Variants in ARHGEF10 observed in about 807,000 individuals in gnomAD.
The protein encoded by ARHGEF10 is Rho guanine nucleotide exchange factor (GEF) 10.
A neutral mutation model predicts 147.4 loss-of-function variants in ARHGEF10; 140 were observed. That is an observed-to-expected ratio of 0.95 (90% CI 0.83 to 1.09). ARHGEF10 has a LOEUF of 1.09. Among genes scored for constraint, ARHGEF10 ranks in the 50% least tolerant of loss-of-function variants. The pLI, the probability that ARHGEF10 is intolerant of heterozygous loss-of-function variation, is 0.00. For missense variants in ARHGEF10, 2,222 were observed against 1,752.7 expected, an observed-to-expected ratio of 1.27 and a Z score of -4.78; for synonymous variants, 902 against 695.8, an observed-to-expected ratio of 1.30 and a Z score of -4.67.
At chr8:1,945,383 C>T in intron 26 of ARHGEF10, 98 bp from the exon 27 acceptor site, 1 of 1,414,312 alleles carries the variant, frequency 7.1e-7, no homozygotes, top group Non-Finnish European at 9.7e-7. Flanking sequence ...TGTGTTGCAG[C>T]CACTGAATGG....
rs144663694 is a variant in ARHGEF10, at chr8:1,876,680, G to T, written c.789G>T (p.Ser263=). Residue 263 remains serine, a synonymous_variant, in exon 8 of 29, where the codon TCG becomes TCT. Transcript: ENST00000349830. The part of the protein sequence containing the change: ...EFESYEEQSD[S]ECKNGIPRSF... ...AAAGTTACGAAGAGCAGAGTGACTC[G>T]GAGTGCAAGAATGGGATTCCCAGGT... The T allele has an allele frequency of 6.2e-7, 1 of 1,614,214 alleles. No individual in the cohort carries two copies. The highest frequency in any genetic ancestry group is 1.7e-5 in the Admixed American group (1 of 60,022).
chr8:1,895,775 T>C (rs1809921116), intron 13 of ARHGEF10, among the ~76,000 whole-genome samples: 1 of 152,224 alleles, frequency 6.6e-6, no homozygotes, highest in Admixed American at 6.5e-5. Context: ...GAGTGATTTT[T>C]CTCTCTTTGA....
intron 6 of ARHGEF10, 53 bp downstream of exon 6, chr8:1,866,655 C>A: frequency 6.5e-7 from 1 of 1,545,828 alleles, no homozygotes; most frequent in Non-Finnish European, 8.8e-7. Flanking sequence ...CCACAGACGT[C>A]ACTGCGGCGG....
chr8:1,830,029 C>G (rs530053996), intron 1 of ARHGEF10, among the ~76,000 whole-genome samples: 2 of 152,314 alleles, frequency 1.3e-5, no homozygotes, highest in South Asian at 4.1e-4. Context: ...CCGAAGTGCT[C>G]TCTGCCAGCC....
chr8:1,886,052 G>A, intron 11 of ARHGEF10, among the ~76,000 whole-genome samples: 1 of 152,188 alleles, frequency 6.6e-6, no homozygotes, highest in South Asian at 2.1e-4. Context: ...GAGACAGAGT[G>A]TGGGTTTGTA....
rs372070314 is a variant in ARHGEF10, at chr8:1,860,004, CAGG to C, written c.306_308del (p.Glu102del). Reference sequence around the variant, plus strand: ...TTCTGTCATCGACATCACGCCATTCCAGGAGGACCAGCCGCCCACCCCCGTGCC... The same window carrying C: ...TTCTGTCATCGACATCACGCCATTCCAGGACCAGCCGCCCACCCCCGTGCC... On this transcript the variant is annotated inframe_deletion, in exon 4 of 29. Transcript: ENST00000349830. The C allele has an allele frequency of 4.0e-5, 64 of 1,614,024 alleles. No homozygotes were observed. In the African/African-American group the frequency reaches 7.9e-4, roughly 20 times the overall value.
intron 1 of ARHGEF10, among the ~76,000 whole-genome samples, 188 bp downstream of exon 1, chr8:1,824,301 C>T (rs1585181720): frequency 6.6e-6 from 1 of 151,854 alleles, no homozygotes; most frequent in African/African-American, 2.4e-5. Context: ...CCCCCTTCCG[C>T]GGCGCCCCCG....
chr8:1,861,552 C>G (rs1250797178), intron 4 of ARHGEF10, among the ~76,000 whole-genome samples: 1 of 152,202 alleles, frequency 6.6e-6, no homozygotes, highest in African/African-American at 2.4e-5. Context: ...AAGCCCACAG[C>G]CTCTACGCCT....
rs113854897 is a variant in ARHGEF10 at position 1,887,907 on chromosome 8, G to C, written c.1182+2200G>C. ...TGCCGTGAGAGTTGCAAGGAAACAC[G>C]GAGTGGGGTGCGGGTCATCAGGAGA... is the stretch of plus-strand genomic sequence containing the variant. On this transcript the variant is annotated intron_variant, in intron 11 of 28. Transcript: ENST00000349830. 4.0e-5 allele frequency among the ~76,000 whole-genome samples: 6 copies of C among 150,262 alleles called. 1 individual carries two copies. The highest frequency in any genetic ancestry group is 1.2e-4 in the African/African-American group (5 of 40,744).
In ARHGEF10 at chr8:1,860,178, G is replaced by A. The variant is rs769840503; in HGVS notation, c.475G>A (p.Glu159Lys). The A allele has an allele frequency of 5.6e-6, 9 of 1,612,756 alleles. No individual in the cohort carries two copies. Among genetic ancestry groups the A allele is most frequent in the East Asian group, 2.2e-5 (1 of 44,870 alleles). ...CATCATCTGCGCCACGTCCCTGGACGAAGAAGGTACTGCTACCCTCCTCTC... is the reference window on the plus strand; with the variant it reads ...CATCATCTGCGCCACGTCCCTGGACAAAGAAGGTACTGCTACCCTCCTCTC... ...PVIICATSLD[E>K]EETPEVTEDR... The change falls in exon 4 of 29, where the codon GAA (glutamate) becomes AAA (lysine). Residue 159 changes from glutamate to lysine, a missense_variant. By Grantham distance (56) the Glu-to-Lys change is moderately conservative. Coordinates refer to ENST00000349830, the MANE Select transcript of ARHGEF10 (RefSeq NM_014629.4).
At chr8:1,867,006 G>A (rs1042074271) in intron 6 of ARHGEF10, among the ~76,000 whole-genome samples, 1 of 151,066 alleles carries the variant, frequency 6.6e-6, no homozygotes, top group Non-Finnish European at 1.5e-5. Context: ...GAGGGGGCGG[G>A]TGGGCCTCCC....
intron 11 of ARHGEF10, among the ~76,000 whole-genome samples, chr8:1,890,468 T>G (rs1000575947): frequency 1.4e-5 from 2 of 147,028 alleles, no homozygotes; most frequent in African/African-American, 5.1e-5. Context: ...GTGAGTGTTG[T>G]GAGGAGACAC....
chr8:1,935,345 G>GGTGCC (rs995584449), intron 26 of ARHGEF10, among the ~76,000 whole-genome samples: 136 of 152,172 alleles, frequency 8.9e-4, no homozygotes, highest in African/African-American at 3.1e-3. Flanking sequence ...GCTTACTCTT[G>GGTGCC]GTGCCGTGCT....
In ARHGEF10 at chr8:1,945,531, C is replaced by T. The variant is rs774443300; in HGVS notation, c.3273C>T (p.Ala1091=). The change falls in exon 27 of 29, where the codon GCC becomes GCT. Residue 1091 remains alanine, a synonymous_variant. Transcript: ENST00000349830. ...QEEGMVISHM[A]VSGVGIWIAF... Reference sequence around the variant, plus strand: ...AAGGCATGGTGATCTCCCACATGGCCGTGTCCGGCGTCGGGATCTGGATTG... The same window carrying T: ...AAGGCATGGTGATCTCCCACATGGCTGTGTCCGGCGTCGGGATCTGGATTG... 43 of 1,613,656 alleles carry T rather than the reference C, an allele frequency of 2.7e-5. No individual in the cohort carries two copies. Among genetic ancestry groups the T allele is most frequent in the South Asian group, 5.5e-5 (5 of 91,012 alleles).
At chr8:1,868,194 G>C (rs576256658) in intron 6 of ARHGEF10, among the ~76,000 whole-genome samples, 1 of 152,324 alleles carries the variant, frequency 6.6e-6, no homozygotes, top group Non-Finnish European at 1.5e-5. Context: ...ACTGGAGCTT[G>C]ACAACAGCAG....
chr8:1,939,304 C>T (rs1033604728), intron 26 of ARHGEF10, among the ~76,000 whole-genome samples: 4 of 152,252 alleles, frequency 2.6e-5, no homozygotes, highest in African/African-American at 9.6e-5. Context: ...TATAATCTGT[C>T]CTCCAGAAGA....
chr8:1,857,048 AAGG>A (rs1022126554), intron 2 of ARHGEF10, among the ~76,000 whole-genome samples: 2 of 152,330 alleles, frequency 1.3e-5, no homozygotes, highest in Non-Finnish European at 2.9e-5. Context: ...ACCCCGGTCC[AAGG>A]AGACCTGTGA....
At chr8:1,889,789 G>GT (rs1191726672) in intron 11 of ARHGEF10, among the ~76,000 whole-genome samples, 5 of 139,438 alleles carry the variant, frequency 3.6e-5, no homozygotes, top group Middle Eastern at 3.8e-3. Context: ...TGGGGTGAGG[G>GT]TTGTGAGCAG....
At position 1,840,585 on chromosome 8, in the gene ARHGEF10, GCTGTCCGATATGGGGACTGTCTGA is replaced by G. The variant is rs1340687515; in HGVS notation, c.-47-2767_-47-2744del. On this transcript the variant is annotated intron_variant, in intron 1 of 28. Coordinates refer to ENST00000349830, the MANE Select transcript of ARHGEF10 (RefSeq NM_014629.4). ...GATATGGGGACTGTCTGGTGTGGAA[GCTGTCCGATATGGGGACTGTCTGA>G]TGTGGAAGCTGTCTGGTTTGGGGAC... 1.4e-3 allele frequency among the ~76,000 whole-genome samples: 214 copies of G among 150,880 alleles called. 13 individuals are homozygous for G. Among genetic ancestry groups the G allele is most frequent in the Middle Eastern group, 0.01 (3 of 288 alleles).
Sources: gnomAD v4.1 joint callset for allele counts (sites outside exome capture counted in the v4.1 genomes callset) on GRCh38, gnomAD v4.1.1 for gene constraint, MANE v1.5 for transcripts, NCBI Gene and HGNC (gene_info 2026-07-23, HGNC 2026-07-21) for gene names.